CFAP47: variants seen among roughly 807,000 people sequenced by gnomAD.
CFAP47 encodes cilia and flagella associated protein 47.
Under a neutral mutation model 148.1 loss-of-function variants are expected in CFAP47, and 29 were observed. The ratio of observed to expected loss-of-function variants is 0.20; its 90% CI spans 0.15 to 0.27. The LOEUF is 0.27. Among genes scored for constraint, CFAP47 ranks in the 10% least tolerant of loss-of-function variants. The pLI is 1.00. For missense variants in CFAP47, 1,872 were observed against 1,697.5 expected, an observed-to-expected ratio of 1.10 and a Z score of -1.81; for synonymous variants, 664 against 577.3, an observed-to-expected ratio of 1.15 and a Z score of -2.15.
At chrX:36,172,200 T>C (rs912218745) in intron 39 of CFAP47, among the ~76,000 whole-genome samples, 2 of 99,125 alleles carry the variant, frequency 2.0e-5, no homozygotes, top group African/African-American at 3.5e-5. Flanking sequence ...GATTTTGGGC[T>C]GAGACAATGG....
chrX:36,309,706 C>T (rs952415413), intron 55 of CFAP47, among the ~76,000 whole-genome samples: 8 of 111,055 alleles, frequency 7.2e-5, no homozygotes, highest in African/African-American at 2.6e-4. Context: ...TTTAAAGTAA[C>T]ACGAGTTCTC....
intron 44 of CFAP47, among the ~76,000 whole-genome samples, chrX:36,203,493 T>G (rs1248328474): frequency 8.9e-6 from 1 of 111,963 alleles, no homozygotes; most frequent in African/African-American, 3.2e-5. Context: ...TCCTTTAGCT[T>G]TTTCCTTGGA....
chrX:36,177,082 G>A (rs1350854389), intron 39 of CFAP47, among the ~76,000 whole-genome samples: 1 of 111,925 alleles, frequency 8.9e-6, no homozygotes, highest in Non-Finnish European at 1.9e-5. Flanking sequence ...AGATTGAAGT[G>A]TGAGAGCTGC....
intron 33 of CFAP47, among the ~76,000 whole-genome samples, chrX:36,113,809 C>A (rs1257285609): frequency 6.6e-5 from 7 of 106,675 alleles, no homozygotes; most frequent in Non-Finnish European, 1.2e-4. Flanking sequence ...TTTCTCTATT[C>A]TTGTCTGTCT....
At chrX:36,296,839 A>G (rs1556006857) in intron 51 of CFAP47, among the ~76,000 whole-genome samples, 1 of 111,510 alleles carries the variant, frequency 9.0e-6, no homozygotes, top group Non-Finnish European at 1.9e-5. Context: ...AGTGGTTGTT[A>G]TTTTTGACCA....
At chrX:36,278,676 T>A (rs1359095823) in intron 49 of CFAP47, among the ~76,000 whole-genome samples, 1 of 112,252 alleles carries the variant, frequency 8.9e-6, no homozygotes, top group Non-Finnish European at 1.9e-5. Flanking sequence ...TCTGCGTCGA[T>A]CATGCTGGGA....
chrX:36,208,365 A>G (rs1940061933), intron 45 of CFAP47, among the ~76,000 whole-genome samples: 1 of 110,902 alleles, frequency 9.0e-6, no homozygotes, highest in African/African-American at 3.3e-5. Context: ...TTTGTTCCAG[A>G]ACCACCCGTG....
intron 39 of CFAP47, among the ~76,000 whole-genome samples, chrX:36,175,738 T>G (rs894481326): frequency 5.4e-4 from 61 of 112,896 alleles, no homozygotes; most frequent in Middle Eastern, 4.6e-3. Flanking sequence ...CTGCAGAGGT[T>G]ACTGCTGTCT....
intron 57 of CFAP47, among the ~76,000 whole-genome samples, chrX:36,338,035 ATTTTTTTTTTTTTTTT>A (rs1209274928): frequency 8.2e-4 from 38 of 46,572 alleles, no homozygotes; most frequent in Admixed American, 1.4e-3. Context: ...ACGCCTGGCT[ATTTTTTTTTTTTTTTT>A]TTTTTTTTTG....
At chrX:36,203,388 T>C (rs1448005287) in intron 44 of CFAP47, among the ~76,000 whole-genome samples, 1 of 112,041 alleles carries the variant, frequency 8.9e-6, no homozygotes, top group African/African-American at 3.2e-5. Context: ...TGTCAAAACA[T>C]TTTATTTAAA....
rs1258134813 is a variant in CFAP47, at chrX:36,280,559, A to T, written c.7517A>T (p.Asp2506Val). The change falls in exon 50 of 64, where the codon GAT becomes GTT. Residue 2506 changes from aspartate to valine, a missense_variant. Transcript: ENST00000378653. ...CATGATGATTATGAGGAAGACACAG[A>T]TCAAGATCAAGCCCTCTCCTGTCTT... ...RKHDDYEEDT[D>V]QDQALSCLDS... 2.0e-6 allele frequency: 1 copy of T among 508,186 alleles called. No homozygotes were observed. Among genetic ancestry groups the T allele is most frequent in the East Asian group, 3.7e-5 (1 of 27,316 alleles). The allele number at this position is 508,186 out of a possible 1,213,427, so 41.9% of individuals were successfully genotyped here. A position where few individuals can be genotyped will look rare whatever the true frequency, so the allele number is the denominator to read the frequency against.
intron 13 of CFAP47, among the ~76,000 whole-genome samples, chrX:35,973,431 C>T (rs769236251): frequency 5.4e-5 from 6 of 111,595 alleles, no homozygotes; most frequent in East Asian, 2.8e-4. Context: ...CCTCGTGATC[C>T]GCCCGCCTCG....
chrX:36,046,753 A>G (rs751076845), intron 25 of CFAP47, 101 bp from the exon 26 acceptor site: 2 of 494,827 alleles, frequency 4.0e-6, no homozygotes, highest in Non-Finnish European at 6.6e-6. Context: ...AATATTTCTT[A>G]TTTTAATTTT....
chrX:36,282,406 A>G (rs1556003795), intron 50 of CFAP47, among the ~76,000 whole-genome samples: 1 of 111,544 alleles, frequency 9.0e-6, no homozygotes, highest in African/African-American at 3.2e-5. Context: ...TTTTATGTTA[A>G]TAGGCTAAAA....
chrX:36,072,947 C>T (rs1381865759), intron 28 of CFAP47, among the ~76,000 whole-genome samples, 192 bp from the exon 29 acceptor site: 1 of 111,522 alleles, frequency 9.0e-6, no homozygotes, highest in African/African-American at 3.3e-5. Context: ...AAACGTTTCT[C>T]TTAGGTACTT....
chrX:36,249,666 ATAT>A (rs1217279705), intron 48 of CFAP47, among the ~76,000 whole-genome samples: 3 of 111,595 alleles, frequency 2.7e-5, no homozygotes, highest in Non-Finnish European at 5.7e-5. Flanking sequence ...TTTGAGATCA[ATAT>A]TATTACCTAG....
intron 11 of CFAP47, 79 bp downstream of exon 11, chrX:35,971,002 T>A (rs897000135): frequency 1.3e-6 from 1 of 791,684 alleles, no homozygotes; most frequent in African/African-American, 2.2e-5. Flanking sequence ...CTCCTTGGTT[T>A]CTTTTTATTT....
chrX:36,184,020 T>A (rs962423764), intron 40 of CFAP47, among the ~76,000 whole-genome samples: 3 of 110,788 alleles, frequency 2.7e-5, no homozygotes, highest in Non-Finnish European at 5.7e-5. Flanking sequence ...ATAAGTCACA[T>A]ATCTGGCCCT....
Position 35,953,411 on chromosome X carries a change from C to T in CFAP47, c.1047-181C>T, listed in dbSNP as rs1389878220. Among the ~76,000 whole-genome samples the T allele has an allele frequency of 8.0e-5, 9 of 111,881 alleles. No individual in the cohort carries two copies. The Admixed American group carries it at 8.6e-4, about 11-fold the overall frequency. ...TTTTCTCAGCTTTATACTCTGTAGC[C>T]TTCTTTTGGCAAATCTCTCTGGCTG... On this transcript the variant is annotated intron_variant, in intron 6 of 63. Transcript: ENST00000378653.
Sources: allele counts gnomAD v4.1 joint callset (sites outside exome capture counted in the v4.1 genomes callset), GRCh38; gene constraint gnomAD v4.1.1; transcripts MANE v1.5; gene names NCBI Gene and HGNC (gene_info 2026-07-23, HGNC 2026-07-21).